Variants in RAP1GAP2 observed in about 807,000 individuals in gnomAD.
RAP1GAP2 encodes the protein rap1 GTPase-activating protein 2.
A neutral mutation model predicts 95.0 loss-of-function variants in RAP1GAP2; 27 were observed. The observed-to-expected ratio is 0.28, with a 90% CI of 0.21 to 0.39. RAP1GAP2 has a LOEUF of 0.39. Among genes scored for constraint, RAP1GAP2 ranks in the 10% least tolerant of loss-of-function variants. The pLI is 1.00. For synonymous variants in RAP1GAP2, 373 were observed against 380.9 expected (o/e 0.98, Z 0.24); for missense variants, 771 against 970.0 (o/e 0.79, Z 2.72).
chr17:3,022,009 G>A (rs2046978872), intron 19 of RAP1GAP2, among the ~76,000 whole-genome samples: 1 of 152,092 alleles, frequency 6.6e-6, no homozygotes, highest in African/African-American at 2.4e-5. Flanking sequence ...CCCTGCAGGG[G>A]GATTGCTAGA....
intron 19 of RAP1GAP2, 30 bp from the exon 20 acceptor site, chr17:3,025,978 C>A (rs370549143): frequency 1.3e-6 from 2 of 1,524,186 alleles, no homozygotes; most frequent in Non-Finnish European, 9.1e-7. Flanking sequence ...GCTGTCTCCG[C>A]GGCCTCACTC....
At chr17:2,889,542 G>A (rs1029387525) in intron 2 of RAP1GAP2, among the ~76,000 whole-genome samples, 3 of 152,114 alleles carry the variant, frequency 2.0e-5, no homozygotes, top group African/African-American at 7.2e-5. Flanking sequence ...TTCCAGCCGT[G>A]AAATACTGCA....
chr17:2,760,292 C>CAAAAA (rs374784170), intron 1 of RAP1GAP2, among the ~76,000 whole-genome samples: 73 of 57,946 alleles, frequency 1.3e-3, no homozygotes, highest in African/African-American at 2.2e-3. Flanking sequence ...GACTCTGTCT[C>CAAAAA]AAAAAAAAAA....
chr17:2,900,307 C>A (rs1015661040), intron 2 of RAP1GAP2, among the ~76,000 whole-genome samples: 2 of 152,126 alleles, frequency 1.3e-5, no homozygotes, highest in African/African-American at 4.8e-5. Context: ...ATTTAAACGG[C>A]CTTGGACTCT....
chr17:2,859,515 A>T (rs112162692), intron 2 of RAP1GAP2, among the ~76,000 whole-genome samples: 168 of 152,194 alleles, frequency 1.1e-3, no homozygotes, highest in African/African-American at 3.9e-3. Flanking sequence ...GGCTTACTGC[A>T]ACTTCCGCCT....
At chr17:2,792,051 G>C (rs1263841277), upstream of RAP1GAP2, among the ~76,000 whole-genome samples, 2 of 151,668 alleles carry the variant, frequency 1.3e-5, no homozygotes, top group African/African-American at 4.8e-5. Flanking sequence ...GTAGAGGTGG[G>C]GTTTCACCAT....
At chr17:2,852,724 A>T (rs1256823658) in intron 2 of RAP1GAP2, among the ~76,000 whole-genome samples, 1 of 151,802 alleles carries the variant, frequency 6.6e-6, no homozygotes, top group Non-Finnish European at 1.5e-5. Flanking sequence ...TTTTCCCTAG[A>T]GGGGCAAAGC....
chr17:2,950,993 G>A (rs2043904222), intron 3 of RAP1GAP2, among the ~76,000 whole-genome samples: 1 of 152,218 alleles, frequency 6.6e-6, no homozygotes, highest in Admixed American at 6.5e-5. Context: ...GGCAGTAGCA[G>A]GTTGCCCACT....
chr17:2,831,754 ATGTGGT>A (rs749492435), intron 2 of RAP1GAP2, among the ~76,000 whole-genome samples: 1 of 151,872 alleles, frequency 6.6e-6, no homozygotes, highest in Non-Finnish European at 1.5e-5. Flanking sequence ...AAAAAATTAG[ATGTGGT>A]GGTGCACACC....
At chr17:2,968,341 G>T (rs1311901364) in intron 8 of RAP1GAP2, among the ~76,000 whole-genome samples, 1 of 152,174 alleles carries the variant, frequency 6.6e-6, no homozygotes, top group Non-Finnish European at 1.5e-5. Flanking sequence ...ACAAGCTTAA[G>T]AAACTCTCAC....
rs193020714 is a variant in RAP1GAP2 at position 2,861,811 on chromosome 17, T to C, written c.81-43473T>C. 4.2e-3 allele frequency among the ~76,000 whole-genome samples: 635 copies of C among 152,132 alleles called. 7 individuals carry two copies. The highest frequency in any genetic ancestry group is 0.014 in the African/African-American group (591 of 41,494). On this transcript the variant is annotated intron_variant, in intron 2 of 24. Transcript: ENST00000254695. ...CTGGGACTACAGGTGCCCGCCACCA[T>C]GCCCGGCTAATTTTTTGTATTTTTA...
In RAP1GAP2 at chr17:2,960,230, G is replaced by T. The variant is rs9894187; in HGVS notation, c.201+2436G>T. Among the ~76,000 whole-genome samples, 851 of 152,258 alleles carry T rather than the reference G, an allele frequency of 5.6e-3. 10 individuals are homozygous for T. The highest frequency in any genetic ancestry group is 0.018 in the African/African-American group (763 of 41,554). ...CAGTGGCTCTGCGGTAGGTTATTAGGGGAGGGAGTGGCGTGGGGAGGGGAT... is the reference window on the plus strand; with the variant it reads ...CAGTGGCTCTGCGGTAGGTTATTAGTGGAGGGAGTGGCGTGGGGAGGGGAT... On this transcript the variant is annotated intron_variant, in intron 4 of 24. Coordinates refer to ENST00000254695, the MANE Select transcript of RAP1GAP2 (RefSeq NM_015085.5).
chr17:2,798,529 A>C (rs552092342), intron 1 of RAP1GAP2, among the ~76,000 whole-genome samples: 1 of 152,100 alleles, frequency 6.6e-6, no homozygotes, highest in South Asian at 2.1e-4. Context: ...GGTGTCACGG[A>C]TTCCTGGAGC....
Position 2,928,836 on chromosome 17 carries a change from T to G in RAP1GAP2, c.165+23468T>G, listed in dbSNP as rs185734713. Among the ~76,000 whole-genome samples the G allele has an allele frequency of 1.3e-3, 191 of 152,034 alleles. No individual in the cohort carries two copies. In the Middle Eastern group the frequency reaches 0.014, roughly 11 times the overall value. On this transcript the variant is annotated intron_variant, in intron 3 of 24. Coordinates refer to ENST00000254695, the MANE Select transcript of RAP1GAP2 (RefSeq NM_015085.5). Reference sequence around the variant, plus strand: ...GGGGAGTCGGAGGGGTGGGGGTGCCTGTTATAGCCTCAGCCTCATGCAGAC... The same window carrying G: ...GGGGAGTCGGAGGGGTGGGGGTGCCGGTTATAGCCTCAGCCTCATGCAGAC...
At chr17:2,931,469 C>T (rs1398411126) in intron 3 of RAP1GAP2, among the ~76,000 whole-genome samples, 2 of 152,204 alleles carry the variant, frequency 1.3e-5, no homozygotes, top group African/African-American at 4.8e-5. Context: ...CCGGGAAGGA[C>T]AGCCCATTGT....
intron 2 of RAP1GAP2, among the ~76,000 whole-genome samples, chr17:2,803,327 AC>A (rs2069378314): frequency 6.6e-6 from 1 of 152,196 alleles, no homozygotes; most frequent in African/African-American, 2.4e-5. Flanking sequence ...ATTACAAGAA[AC>A]AAAAACCCAG....
intron 10 of RAP1GAP2, among the ~76,000 whole-genome samples, chr17:2,983,252 A>G (rs1053097386): frequency 5.9e-5 from 9 of 151,816 alleles, no homozygotes; most frequent in African/African-American, 2.2e-4. Flanking sequence ...GTCACATTTA[A>G]TGTTTTCACC....
chr17:3,003,887 C>T lies in RAP1GAP2; in HGVS notation c.1201-1482C>T, dbSNP rs1263112529. On this transcript the variant is annotated intron_variant, in intron 14 of 24. Transcript: ENST00000254695. The surrounding 1 kb of genome is among the most constrained non-coding windows in gnomAD (Gnocchi z 4.1). ...ACGTCGCAAGGAAGGGCCCTGTCCTCCGTGTGGCCCACAGGGCTCTGCTGT... is the reference window on the plus strand; with the variant it reads ...ACGTCGCAAGGAAGGGCCCTGTCCTTCGTGTGGCCCACAGGGCTCTGCTGT... Among the ~76,000 whole-genome samples, 1 of 152,220 alleles carries T rather than the reference C, an allele frequency of 6.6e-6. No homozygotes were observed. Among genetic ancestry groups the T allele is most frequent in the African/African-American group, 2.4e-5 (1 of 41,448 alleles).
intron 4 of RAP1GAP2, among the ~76,000 whole-genome samples, chr17:2,960,827 G>A (rs374354279): frequency 1.3e-5 from 2 of 152,306 alleles, no homozygotes; most frequent in East Asian, 3.9e-4. Flanking sequence ...TTTGTGTACC[G>A]TCTCATACTG....
Sources: gnomAD v4.1 joint callset for allele counts (sites outside exome capture counted in the v4.1 genomes callset) on GRCh38, gnomAD v4.1.1 for gene constraint, Gnocchi (gnomAD v3.1) non-coding constraint, MANE v1.5 for transcripts, NCBI Gene and HGNC (gene_info 2026-07-23, HGNC 2026-07-21) for gene names.